RPS6KA2: variants seen among roughly 807,000 people sequenced by gnomAD.
RPS6KA2 encodes the protein ribosomal protein S6 kinase A2.
In RPS6KA2, 42 loss-of-function variants were observed where a neutral mutation model predicts 91.8. That is an observed-to-expected ratio of 0.46 (90% confidence interval 0.36 to 0.59). The LOEUF (loss-of-function observed/expected upper bound fraction) is 0.59. Ranked by LOEUF, RPS6KA2 falls within the 20% of genes least tolerant of loss-of-function variation. RPS6KA2 has a pLI of 0.00. For synonymous variants in RPS6KA2, 414 were observed against 393.6 expected (o/e 1.05, Z -0.61); for missense variants, 798 against 978.5 (o/e 0.82, Z 2.46).
rs906908781 is a variant in RPS6KA2, at chr6:166,594,354, T to A, written c.99+32567A>T. 2.6e-5 allele frequency among the ~76,000 whole-genome samples: 4 copies of A among 152,356 alleles called. No individual in the cohort carries two copies. In the East Asian group the frequency reaches 7.7e-4, roughly 29 times the overall value. ...AGTTTTTAAAAATTTATTTCCCTCA[T>A]AATTTTCACAATAAAATGTGTTATT... On this transcript the variant is annotated intron_variant, in intron 1 of 20. Transcript: ENST00000265678.
chr6:166,777,268 C>T (rs189223253), intron 2 of RPS6KA2, among the ~76,000 whole-genome samples: 82 of 152,310 alleles, frequency 5.4e-4, no homozygotes, highest in Middle Eastern at 3.4e-3. Context: ...ATTAAAAATG[C>T]CAGGCCTGTG....
intron 2 of RPS6KA2, among the ~76,000 whole-genome samples, chr6:166,819,983 G>A (rs1411272298): frequency 6.6e-6 from 1 of 152,166 alleles, no homozygotes; most frequent in African/African-American, 2.4e-5. Context: ...ATGAGAGTGT[G>A]TGTTTTGTCA....
chr6:166,524,937 C>T (rs1353995814), intron 3 of RPS6KA2, among the ~76,000 whole-genome samples: 3 of 152,276 alleles, frequency 2.0e-5, no homozygotes, highest in Non-Finnish European at 4.4e-5. Context: ...GAGACACCGG[C>T]GGAGGTAGCT....
chr6:166,486,763 A>C (rs1477957390), intron 10 of RPS6KA2, among the ~76,000 whole-genome samples: 3 of 151,832 alleles, frequency 2.0e-5, no homozygotes, highest in African/African-American at 7.3e-5. Context: ...TGTGGGCTGC[A>C]ATTCAGTCTA....
intron 1 of RPS6KA2, among the ~76,000 whole-genome samples, chr6:166,595,262 C>T (rs932915216): frequency 1.3e-5 from 2 of 152,024 alleles, no homozygotes; most frequent in Admixed American, 6.5e-5. Flanking sequence ...ATGCTGGCCA[C>T]GCTGGTCTCG....
intron 14 of RPS6KA2, chr6:166,440,417 A>AG (rs1330253653): frequency 2.0e-5 from 3 of 152,276 alleles, no homozygotes; most frequent in Non-Finnish European, 2.9e-5. Flanking sequence ...GCAAAAGTGC[A>AG]GCTCGCTGCC....
chr6:166,518,329 T>G (rs1437234398), intron 3 of RPS6KA2, among the ~76,000 whole-genome samples: 1 of 151,948 alleles, frequency 6.6e-6, no homozygotes, highest in African/African-American at 2.4e-5. Flanking sequence ...AGGGGAATCT[T>G]TTTTGTTTTT....
In RPS6KA2 at chr6:166,860,122, T is replaced by C. The variant is rs369997449; in HGVS notation, c.64-1863A>G. Among the ~76,000 whole-genome samples, 18 of 92,920 alleles carry C rather than the reference T, an allele frequency of 1.9e-4. 1 individual carries two copies. The highest frequency in any genetic ancestry group is 1.5e-3 in the Admixed American group (10 of 6,824). 61.0% of individuals were successfully genotyped at this position (92,920 alleles called of 152,430 possible). On this transcript the variant is annotated intron_variant, in intron 1 of 21. Coordinates refer to the RPS6KA2 transcript ENST00000503859. ...TGTGAATTCCAAAACACAGAGGATT[T>C]TGTGGATTTGGAAATTTCCTCAGAA...
intron 1 of RPS6KA2, among the ~76,000 whole-genome samples, chr6:166,549,297 T>C (rs1215146109): frequency 1.3e-5 from 2 of 152,198 alleles, no homozygotes; most frequent in Admixed American, 6.5e-5. Context: ...CCAGCAAACG[T>C]ATTCCAGGGC....
intron 11 of RPS6KA2, among the ~76,000 whole-genome samples, chr6:166,462,224 C>T (rs1167528149): frequency 6.6e-6 from 1 of 152,232 alleles, no homozygotes; most frequent in Non-Finnish European, 1.5e-5. Context: ...AGGCGACTGG[C>T]CACTGTCCTT....
intron 9 of RPS6KA2, among the ~76,000 whole-genome samples, chr6:166,489,196 T>G (rs1358465894): frequency 3.3e-5 from 5 of 151,946 alleles, no homozygotes; most frequent in Admixed American, 3.3e-4. Flanking sequence ...TAATAAATTT[T>G]TATTAATAAA....
intron 2 of RPS6KA2, among the ~76,000 whole-genome samples, chr6:166,811,467 A>C (rs1177269651): frequency 6.6e-6 from 1 of 152,208 alleles, no homozygotes; most frequent in African/African-American, 2.4e-5. Flanking sequence ...TCTACAAAAA[A>C]CTATAAATAT....
intron 1 of RPS6KA2, among the ~76,000 whole-genome samples, chr6:166,550,843 T>C (rs1253024672): frequency 1.3e-5 from 2 of 151,484 alleles, no homozygotes; most frequent in African/African-American, 4.9e-5. Flanking sequence ...TCTACTAAAA[T>C]ACAAAAAATT....
intron 2 of RPS6KA2, among the ~76,000 whole-genome samples, chr6:166,768,356 G>A (rs996382137): frequency 2.6e-5 from 4 of 152,220 alleles, no homozygotes; most frequent in African/African-American, 9.7e-5. Context: ...CATACAATTA[G>A]CTGTGAAACT....
At chr6:166,610,363 A>T (rs536461568) in intron 1 of RPS6KA2, among the ~76,000 whole-genome samples, 1 of 152,334 alleles carries the variant, frequency 6.6e-6, no homozygotes, top group Non-Finnish European at 1.5e-5. Flanking sequence ...GCAGCAGGAA[A>T]TTCATGTGAA....
intron 2 of RPS6KA2, among the ~76,000 whole-genome samples, chr6:166,736,102 T>C (rs1277914511): frequency 6.6e-6 from 1 of 152,244 alleles, no homozygotes; most frequent in Non-Finnish European, 1.5e-5. Flanking sequence ...AGGCTGAACA[T>C]ATACAAGTAA....
intron 2 of RPS6KA2, among the ~76,000 whole-genome samples, chr6:166,842,659 T>C (rs1780513864): frequency 6.6e-6 from 1 of 152,230 alleles, no homozygotes; most frequent in East Asian, 1.9e-4. Context: ...ATCTCTTCTG[T>C]GAGCATCACG....
chr6:166,765,613 G>A (rs909268701), intron 2 of RPS6KA2, among the ~76,000 whole-genome samples: 9 of 152,208 alleles, frequency 5.9e-5, no homozygotes, highest in Non-Finnish European at 8.8e-5. Flanking sequence ...CTGAGACCTC[G>A]ATGTAGAAAG....
intron 1 of RPS6KA2, among the ~76,000 whole-genome samples, chr6:166,569,947 C>T (rs989561623): frequency 3.3e-5 from 5 of 152,188 alleles, no homozygotes; most frequent in African/African-American, 9.7e-5. Context: ...CCTGCCATTG[C>T]GCTGAGGATC....
Sources: allele counts gnomAD v4.1 joint callset (sites outside exome capture counted in the v4.1 genomes callset), GRCh38; gene constraint gnomAD v4.1.1; transcripts MANE v1.5; gene names NCBI Gene and HGNC (gene_info 2026-07-23, HGNC 2026-07-21).